The following CACNA1A variants were observed in gnomAD, a reference collection of about 807,000 sequenced individuals.
CACNA1A encodes the protein voltage-dependent P/Q-type calcium channel subunit alpha-1A.
CACNA1A carries 57 observed loss-of-function variants against 262.4 expected under a neutral mutation model. The observed-to-expected ratio is 0.22, with a 90% CI of 0.18 to 0.27. CACNA1A has a LOEUF of 0.27. CACNA1A is among the 10% of genes least tolerant of loss of function. The pLI, the probability that CACNA1A is intolerant of heterozygous loss-of-function variation, is 1.00. For missense variants in CACNA1A, 2,526 were observed against 3,562.8 expected (o/e 0.71, Z 7.41); for synonymous variants, 1,431 against 1,419.3 (o/e 1.01, Z -0.18).
chr19:13,342,396 T>G (rs1313341721), intron 6 of CACNA1A, among the ~76,000 whole-genome samples: 2 of 152,198 alleles, frequency 1.3e-5, no homozygotes, highest in Non-Finnish European at 2.9e-5. Context: ...TGCACAAGTC[T>G]GAATTCGGGA....
chr19:13,387,535 C>T (rs2059635623), intron 3 of CACNA1A, among the ~76,000 whole-genome samples: 1 of 152,172 alleles, frequency 6.6e-6, no homozygotes, highest in Non-Finnish European at 1.5e-5. Flanking sequence ...TTAACTCTGC[C>T]ACCCCACTCA....
intron 3 of CACNA1A, among the ~76,000 whole-genome samples, chr19:13,398,715 A>G (rs778153333): frequency 6.6e-6 from 1 of 152,144 alleles, no homozygotes; most frequent in Non-Finnish European, 1.5e-5. Context: ...GAGGTTGGAG[A>G]ATTATATAAA....
chr19:13,228,689 G>A, intron 36 of CACNA1A: 1 of 1,505,912 alleles, frequency 6.6e-7, no homozygotes, highest in Non-Finnish European at 9.1e-7. Flanking sequence ...GGTTTTAGTG[G>A]AAGTCAAACC....
chr19:13,436,854 T>C (rs770424249), intron 3 of CACNA1A, among the ~76,000 whole-genome samples: 1 of 152,202 alleles, frequency 6.6e-6, no homozygotes, highest in Non-Finnish European at 1.5e-5. Flanking sequence ...TCAGTAAACA[T>C]GTACTTCCTT....
intron 17 of CACNA1A, among the ~76,000 whole-genome samples, chr19:13,301,471 G>C (rs1600278740): frequency 6.6e-6 from 1 of 152,260 alleles, no homozygotes; most frequent in South Asian, 2.1e-4. Flanking sequence ...CCCATGACAG[G>C]AAGGCGGTGG....
intron 3 of CACNA1A, among the ~76,000 whole-genome samples, chr19:13,378,680 T>TTTG (rs2059458994): frequency 3.3e-5 from 5 of 150,436 alleles, no homozygotes; most frequent in African/African-American, 9.8e-5. Flanking sequence ...ATTTATTTTT[T>TTTG]GAGACAGAGT....
chr19:13,429,979 G>A (rs1363021442), intron 3 of CACNA1A, among the ~76,000 whole-genome samples: 4 of 123,454 alleles, frequency 3.2e-5, no homozygotes, highest in Non-Finnish European at 5.2e-5. Context: ...GGAGTGTGGA[G>A]TAGGGTGGGG....
At chr19:13,454,510 A>G (rs776874238) in intron 2 of CACNA1A, among the ~76,000 whole-genome samples, 6 of 151,962 alleles carry the variant, frequency 3.9e-5, no homozygotes, top group Non-Finnish European at 7.4e-5. Flanking sequence ...AGCTGGGATT[A>G]CAGGTGTGCA....
At chr19:13,235,868 A>G (rs992477375) in intron 31 of CACNA1A, 138 bp from the exon 32 acceptor site, 33 of 615,756 alleles carry the variant, frequency 5.4e-5, no homozygotes, top group Non-Finnish European at 2.3e-5. Context: ...GGGAGAGAGA[A>G]AGCACTATTA....
intron 29 of CACNA1A, 21 bp from the exon 30 acceptor site, chr19:13,253,122 T>TAGCAGGGGTCAGCG (rs1467186373): frequency 1.3e-6 from 2 of 1,518,504 alleles, no homozygotes; most frequent in African/African-American, 2.7e-5. Context: ...GAAGCAGGAG[T>TAGCAGGGGTCAGCG]AGCAGGGGTC....
At chr19:13,505,412 C>T (rs1056144858) in intron 1 of CACNA1A, among the ~76,000 whole-genome samples, 8 of 152,180 alleles carry the variant, frequency 5.3e-5, no homozygotes. Flanking sequence ...AGCGCCCTGC[C>T]CTAAAAGTGC....
At chr19:13,402,873 CATATATATATATATATATATAT>C (rs71170507) in intron 3 of CACNA1A, among the ~76,000 whole-genome samples, 39 of 72,812 alleles carry the variant, frequency 5.4e-4, no homozygotes, top group Middle Eastern at 0.017. Flanking sequence ...CACACACACA[CATATATATATATATATATATAT>C]ATATATATAT....
chr19:13,414,624 G>A (rs1006801762), intron 3 of CACNA1A, among the ~76,000 whole-genome samples: 1 of 152,156 alleles, frequency 6.6e-6, no homozygotes, highest in African/African-American at 2.4e-5. Context: ...ATCAGGCTGA[G>A]AAGAGAAAAT....
intron 3 of CACNA1A, among the ~76,000 whole-genome samples, chr19:13,442,380 G>A (rs114027002): frequency 0.011 from 1,621 of 152,276 alleles, 27 homozygotes; most frequent in African/African-American, 0.036. Context: ...CTGGTTGAGG[G>A]ATGCTACCGA....
intron 19 of CACNA1A, among the ~76,000 whole-genome samples, chr19:13,297,742 G>A (rs2057693725): frequency 6.6e-6 from 1 of 151,992 alleles, no homozygotes; most frequent in South Asian, 2.1e-4. Context: ...GAGCCCGGGA[G>A]GTAGAGGCTG....
intron 3 of CACNA1A, among the ~76,000 whole-genome samples, chr19:13,403,796 A>AAACAAAC (rs1568611978): frequency 1.3e-5 from 2 of 151,280 alleles, no homozygotes; most frequent in African/African-American, 4.9e-5. Context: ...AACAAACAAA[A>AAACAAAC]AAAAACTTTA....
chr19:13,262,575 G>T, intron 25 of CACNA1A, 159 bp downstream of exon 25: 2 of 615,914 alleles, frequency 3.2e-6, no homozygotes, highest in Non-Finnish European at 6.0e-6. Flanking sequence ...ACTGCCATCT[G>T]CTGGGAAGTT....
chr19:13,255,279 G>A lies in CACNA1A; in HGVS notation c.4591-20C>T. ...GGCCCTCTGCGGGAGAGAGGCCAGTGGTGAGAGCGGCAGAGGCAGGAGGAA... is the reference window on the plus strand; with the variant it reads ...GGCCCTCTGCGGGAGAGAGGCCAGTAGTGAGAGCGGCAGAGGCAGGAGGAA... On this transcript the variant is annotated intron_variant, in intron 28 of 46. Coordinates refer to ENST00000360228, the MANE Select transcript of CACNA1A (RefSeq NM_001127222.2). 6.4e-7 allele frequency: 1 copy of A among 1,570,264 alleles called. No individual in the cohort carries two copies. The highest frequency in any genetic ancestry group is 1.3e-5 in the African/African-American group (1 of 74,366).
intron 26 of CACNA1A, 51 bp downstream of exon 26, chr19:13,261,399 C>A: frequency 6.6e-7 from 1 of 1,504,560 alleles, no homozygotes; most frequent in Non-Finnish European, 9.0e-7. Flanking sequence ...CCACTTCCCC[C>A]CTGCCCACCT....
Sources: gnomAD v4.1 joint callset for allele counts (sites outside exome capture counted in the v4.1 genomes callset) on GRCh38, gnomAD v4.1.1 for gene constraint, MANE v1.5 for transcripts, NCBI Gene and HGNC (gene_info 2026-07-23, HGNC 2026-07-21) for gene names.